MYH16: variants seen among roughly 807,000 people sequenced by gnomAD.
MYH16 encodes the protein putative uncharacterized protein MYH16.
intron 12 of MYH16, chr7:99,261,260 T>A (rs1032575477): frequency 1.3e-5 from 2 of 152,392 alleles, no homozygotes; most frequent in Admixed American, 1.3e-4. Flanking sequence ...CAAGTCTTAA[T>A]GGCCATGGTG....
At chr7:99,291,668 TAAAA>T (rs1183487214) in intron 31 of MYH16, among the ~76,000 whole-genome samples, 1 of 82,592 alleles carries the variant, frequency 1.2e-5, no homozygotes, top group Non-Finnish European at 2.2e-5. Context: ...AAATAAAAAA[TAAAA>T]AAGCTGCTGG....
At position 99,295,836 on chromosome 7, in the gene MYH16, GAAAAAAAAA is replaced by G. The variant is rs869299904; in HGVS notation, n.4283-850_4283-842del. On this transcript the variant is annotated intron_variant and non_coding_transcript_variant, in intron 33 of 41. Coordinates refer to ENST00000439784, the Ensembl canonical transcript of MYH16. ...TGACAGAGTGAGACCTCATCTCTTG[GAAAAAAAAA>G]AAAAAAAAAAAAAAGGCTGGGCACA... Among the ~76,000 whole-genome samples, 17 of 56,792 alleles carry G rather than the reference GAAAAAAAAA, an allele frequency of 3.0e-4. No homozygotes were observed. In the East Asian group the frequency reaches 3.2e-3, roughly 11 times the overall value. 37.3% of individuals were successfully genotyped at this position (56,792 alleles called of 152,430 possible). A position where few individuals can be genotyped will look rare whatever the true frequency, so the allele number is the denominator to read the frequency against.
intron 30 of MYH16, among the ~76,000 whole-genome samples, chr7:99,290,666 G>A (rs74901537): frequency 6.6e-6 from 1 of 151,904 alleles, no homozygotes; most frequent in Non-Finnish European, 1.5e-5. Context: ...AGCTGGGCAT[G>A]GTGGTACACA....
chr7:99,310,067 A>G (rs1237443370), downstream of MYH16, among the ~76,000 whole-genome samples: 1 of 152,222 alleles, frequency 6.6e-6, no homozygotes, highest in African/African-American at 2.4e-5. Flanking sequence ...AATTAAAAAC[A>G]TAAATATAAA....
At chr7:99,246,142 G>A (rs545403495) in intron 2 of MYH16, among the ~76,000 whole-genome samples, 91 of 151,174 alleles carry the variant, frequency 6.0e-4, no homozygotes, top group Non-Finnish European at 1.1e-3. Context: ...GGAGTTCAAG[G>A]CTGCAGTGAG....
intron 18 of MYH16, among the ~76,000 whole-genome samples, chr7:99,269,927 G>A (rs1316460030): frequency 1.4e-5 from 2 of 143,782 alleles, no homozygotes; most frequent in Admixed American, 1.5e-4. Flanking sequence ...AGGCTGGAGT[G>A]CAGTGGCACT....
intron 8 of MYH16, among the ~76,000 whole-genome samples, chr7:99,255,331 T>A (rs1703191079): frequency 6.6e-6 from 1 of 151,038 alleles, no homozygotes; most frequent in Non-Finnish European, 1.5e-5. Flanking sequence ...GCCTGTGGTC[T>A]CAGCTACTCA....
At chr7:99,297,586 A>G (rs924182533) in intron 34 of MYH16, 74 bp from the exon 16 acceptor site, 4 of 415,048 alleles carry the variant, frequency 9.6e-6, no homozygotes, top group East Asian at 7.1e-5. Flanking sequence ...TCTTACCCCA[A>G]TGGAGGAATG....
Position 99,284,026 on chromosome 7 carries a change from T to C in MYH16, n.3225+8T>C, listed in dbSNP as rs1320749546. On this transcript the variant is annotated splice_region_variant and intron_variant and non_coding_transcript_variant, in intron 25 of 41. Transcript: ENST00000439784. The stretch of plus-strand genomic sequence containing the variant: ...CGAGGAGGTGGTGAAAAAGTATGTC[T>C]TGTCGTCGTTCGTTTTGTCCATCAC... 1 of 444,846 alleles carries C rather than the reference T, an allele frequency of 2.2e-6. No individual in the cohort carries two copies. Among genetic ancestry groups the C allele is most frequent in the Non-Finnish European group, 4.5e-6 (1 of 221,440 alleles). The allele number at this position is 444,846 out of a possible 1,614,324, so 27.6% of individuals were successfully genotyped here. A position where few individuals can be genotyped will look rare whatever the true frequency, so the allele number is the denominator to read the frequency against.
chr7:99,283,369 T>C (rs1792228490), intron 23 of MYH16, among the ~76,000 whole-genome samples, 196 bp from the exon 6 acceptor site: 1 of 152,192 alleles, frequency 6.6e-6, no homozygotes, highest in South Asian at 2.1e-4. Context: ...TTGACCTCCC[T>C]GATGGGTGGC....
chr7:99,241,016 G>A (rs1791661310), intron 1 of MYH16, among the ~76,000 whole-genome samples: 2 of 152,192 alleles, frequency 1.3e-5, no homozygotes. Flanking sequence ...GGAGAGTGCT[G>A]CAGTGTCGTG....
chr7:99,284,047 A>C (rs1792242050), intron 25 of MYH16, 29 bp downstream of exon 7: 1 of 429,282 alleles, frequency 2.3e-6, no homozygotes, highest in South Asian at 1.7e-5. Flanking sequence ...CGTTTTGTCC[A>C]TCACAATGGT....
chr7:99,295,626 C>T lies in MYH16; in HGVS notation n.4283-1075C>T, dbSNP rs142153647. On this transcript the variant is annotated intron_variant and non_coding_transcript_variant, in intron 33 of 41. Coordinates refer to ENST00000439784, the Ensembl canonical transcript of MYH16. Reference sequence around the variant, plus strand: ...CATGCAGCCCAATACAAGAACGTGGCTCCATGAAGTGGCCACGTAGGCAGG... The same window carrying T: ...CATGCAGCCCAATACAAGAACGTGGTTCCATGAAGTGGCCACGTAGGCAGG... 3.5e-3 allele frequency among the ~76,000 whole-genome samples: 540 copies of T among 152,138 alleles called. 5 individuals are homozygous for T. Among genetic ancestry groups the T allele is most frequent in the Middle Eastern group, 0.02 (6 of 294 alleles).
chr7:99,298,236 G>A, intron 36 of MYH16, among the ~76,000 whole-genome samples: 1 of 141,296 alleles, frequency 7.1e-6, no homozygotes, highest in African/African-American at 2.6e-5. Context: ...GTTCTTTTTG[G>A]TTTTTTTTTT....
At chr7:99,256,777 A>G (rs1279673675) in intron 9 of MYH16, among the ~76,000 whole-genome samples, 1 of 152,024 alleles carries the variant, frequency 6.6e-6, no homozygotes, top group Non-Finnish European at 1.5e-5. Context: ...CTCCATCTAT[A>G]AATAAATTAA....
At chr7:99,302,710 G>T (rs1792618863) in intron 38 of MYH16, among the ~76,000 whole-genome samples, 1 of 151,874 alleles carries the variant, frequency 6.6e-6, no homozygotes, top group Non-Finnish European at 1.5e-5. Context: ...GCCAGACTCT[G>T]TCTCTAAAAA....
intron 27 of MYH16, among the ~76,000 whole-genome samples, chr7:99,286,144 C>T (rs569642687): frequency 5.3e-5 from 8 of 152,174 alleles, no homozygotes; most frequent in Admixed American, 3.3e-4. Context: ...ATCCCATGGC[C>T]GGGAAGAGTG....
intron 16 of MYH16, chr7:99,265,286 A>G (rs1382297414): frequency 6.5e-6 from 1 of 152,692 alleles, no homozygotes; most frequent in Non-Finnish European, 1.5e-5. Context: ...ACCAAGGCTG[A>G]TGGGGGCAAA....
chr7:99,254,856 C>A (rs1791853098), intron 8 of MYH16, among the ~76,000 whole-genome samples: 1 of 152,172 alleles, frequency 6.6e-6, no homozygotes, highest in East Asian at 1.9e-4. Flanking sequence ...AATTTCCAGC[C>A]AGGTGCAGTG....
Sources: allele counts gnomAD v4.1 joint callset (sites outside exome capture counted in the v4.1 genomes callset), GRCh38; gene constraint gnomAD v4.1.1; transcripts MANE v1.5; gene names NCBI Gene and HGNC (gene_info 2026-07-23, HGNC 2026-07-21).